Variants in MCTP1 observed in about 807,000 individuals in gnomAD.
The protein encoded by MCTP1 is multiple C2 and transmembrane domain containing 1, also known as multiple C2 and transmembrane domain-containing protein 1.
Under a neutral mutation model 120.6 loss-of-function variants are expected in MCTP1, and 69 were observed. That is an observed-to-expected ratio of 0.57 (90% confidence interval 0.47 to 0.70). The LOEUF (loss-of-function observed/expected upper bound fraction) is 0.70, where lower values mean the gene tolerates loss of function less well. MCTP1 is among the 30% of genes least tolerant of loss of function. The probability of loss-of-function intolerance (pLI) is 0.00; values close to 1 mark genes in which losing one functional copy is unlikely to be tolerated. For missense variants in MCTP1, 1,203 were observed against 1,248.8 expected, an observed-to-expected ratio of 0.96 and a Z score of 0.55; for synonymous variants, 529 against 493.1, an observed-to-expected ratio of 1.07 and a Z score of -0.96.
rs1754529790 is a variant in MCTP1 at position 94,706,170 on chromosome 5, T to TGCAAA, written c.*1321_*1325dup. 6.6e-6 allele frequency: 1 copy of TGCAAA among 151,672 alleles called. No homozygotes were observed. The highest frequency in any genetic ancestry group is 1.9e-4 in the East Asian group (1 of 5,160). 9.4% of individuals were successfully genotyped at this position (151,672 alleles called of 1,614,324 possible). ...TCCAAGTTTATTATTAATAAAGTAG[T>TGCAAA]GCAAAGCATTGTCTGCTGCAATTTC... is the stretch of plus-strand genomic sequence containing the variant. On this transcript the variant is annotated 3_prime_UTR_variant, in exon 23 of 23. Coordinates refer to ENST00000515393, the MANE Select transcript of MCTP1 (RefSeq NM_024717.7).
Position 94,710,921 on chromosome 5 carries a change from G to A in MCTP1, c.2727C>T (p.Phe909=). 6.2e-7 allele frequency: 1 copy of A among 1,607,810 alleles called. No homozygotes were observed. Among genetic ancestry groups the A allele is most frequent in the Non-Finnish European group, 8.5e-7 (1 of 1,175,240 alleles). Residue 909 remains phenylalanine (F), a synonymous_variant, in exon 21 of 23, where the codon TTC becomes TTT. Coordinates refer to ENST00000515393, the MANE Select transcript of MCTP1 (RefSeq NM_024717.7). ...ASFGERIKNT[F]NWTVPFLSWL... ...AGCTTAAGAATGGGACAGTCCAGTT[G>A]AAAGTACTGAATGGAAAATTAACAC...
intron 17 of MCTP1, among the ~76,000 whole-genome samples, chr5:94,808,557 G>C (rs1580795237): frequency 6.6e-6 from 1 of 152,222 alleles, no homozygotes; most frequent in East Asian, 1.9e-4. Context: ...TAATTAGAAT[G>C]AAAATTGCTT....
At chr5:94,830,897 C>A (rs1157281690) in intron 17 of MCTP1, among the ~76,000 whole-genome samples, 4 of 152,072 alleles carry the variant, frequency 2.6e-5, no homozygotes, top group Non-Finnish European at 5.9e-5. Flanking sequence ...ATTCTACCAC[C>A]CAGTAATTGG....
At chr5:95,175,263 C>A (rs948315277) in intron 1 of MCTP1, among the ~76,000 whole-genome samples, 1 of 152,150 alleles carries the variant, frequency 6.6e-6, no homozygotes, top group Non-Finnish European at 1.5e-5. Flanking sequence ...TGAGCTGACA[C>A]GCTTCATTAT....
At chr5:94,802,255 T>G (rs994404534) in intron 17 of MCTP1, among the ~76,000 whole-genome samples, 17 of 152,216 alleles carry the variant, frequency 1.1e-4, no homozygotes, top group Non-Finnish European at 2.1e-4. Flanking sequence ...CATTTATTTT[T>G]CTTTTTCAGC....
chr5:95,241,305 G>A (rs1185741832), intron 1 of MCTP1, among the ~76,000 whole-genome samples: 1 of 152,094 alleles, frequency 6.6e-6, no homozygotes, highest in East Asian at 1.9e-4. Context: ...TCTCAGTATG[G>A]CAGCTGCTTT....
Position 94,868,368 on chromosome 5 carries a change from A to C in MCTP1, c.2401T>G (p.Trp801Gly). Residue 801 changes from tryptophan (W) to glycine (G), a missense_variant, in exon 17 of 23, where the codon TGG becomes GGG. By Grantham distance (184) the Trp-to-Gly change is radical. This residue lies in a region of MCTP1 where 740 missense variants were observed against 871.1 expected (regional missense o/e 0.85). Coordinates refer to ENST00000515393, the MANE Select transcript of MCTP1 (RefSeq NM_024717.7). ...GCGAGACTCCTTGGGGGTGAATCCC[A>C]ATCAAAGCAACTATTAACGTAGTAT... ...AAYYVNSCFD[W>G]DSPPRSLAAF... is the part of the protein sequence containing the mutation. 6.2e-7 allele frequency: 1 copy of C among 1,607,994 alleles called. No individual in the cohort carries two copies. The highest frequency in any genetic ancestry group is 8.5e-7 in the Non-Finnish European group (1 of 1,177,102).
At chr5:94,738,303 C>G (rs760647953) in intron 19 of MCTP1, among the ~76,000 whole-genome samples, 1 of 152,144 alleles carries the variant, frequency 6.6e-6, no homozygotes, top group Non-Finnish European at 1.5e-5. Context: ...TGATTGGATT[C>G]TCCACTGTCT....
chr5:95,140,109 T>C (rs1759783055), intron 1 of MCTP1, among the ~76,000 whole-genome samples: 1 of 152,222 alleles, frequency 6.6e-6, no homozygotes, highest in Non-Finnish European at 1.5e-5. Context: ...AGATTTGGAA[T>C]TGCAGAAAAG....
intron 1 of MCTP1, among the ~76,000 whole-genome samples, chr5:95,138,383 T>C (rs1759620515): frequency 6.6e-6 from 1 of 152,196 alleles, no homozygotes; most frequent in Non-Finnish European, 1.5e-5. Context: ...AACACAGCCT[T>C]GTCAATCTCC....
intron 20 of MCTP1, 92 bp downstream of exon 20, chr5:94,714,685 C>T (rs972924425): frequency 1.3e-6 from 1 of 795,588 alleles, no homozygotes; most frequent in Non-Finnish European, 2.3e-6. Flanking sequence ...GGAGTGTCCC[C>T]TGCCAAAAAG....
intron 17 of MCTP1, among the ~76,000 whole-genome samples, chr5:94,820,751 T>C (rs1785449641): frequency 6.6e-6 from 1 of 152,140 alleles, no homozygotes; most frequent in Non-Finnish European, 1.5e-5. Flanking sequence ...AAAAATCAGT[T>C]GTGAGAAATT....
At chr5:94,773,928 G>GTGGTCCCATGACTAGGTTGTGTT (rs1443126461) in intron 19 of MCTP1, among the ~76,000 whole-genome samples, 1 of 111,302 alleles carries the variant, frequency 9.0e-6, no homozygotes, top group Non-Finnish European at 1.8e-5. Context: ...GATGAAATAG[G>GTGGTCCCATGACTAGGTTGTGTT]CCGGGCGCGG....
intron 1 of MCTP1, among the ~76,000 whole-genome samples, chr5:95,237,020 T>A (rs549165442): frequency 5.3e-5 from 8 of 152,328 alleles, no homozygotes; most frequent in South Asian, 2.1e-4. Flanking sequence ...GTCTAAGCCA[T>A]TTTCATATCA....
At chr5:94,832,653 T>A (rs1459498231) in intron 17 of MCTP1, among the ~76,000 whole-genome samples, 1 of 147,394 alleles carries the variant, frequency 6.8e-6, no homozygotes, top group Non-Finnish European at 1.5e-5. Flanking sequence ...CACACTTCCC[T>A]ACTCCCCTTC....
At chr5:94,744,618 C>T (rs1580432900) in intron 19 of MCTP1, among the ~76,000 whole-genome samples, 1 of 152,186 alleles carries the variant, frequency 6.6e-6, no homozygotes, top group Admixed American at 6.5e-5. Flanking sequence ...ATTCTCACGC[C>T]TCAGCCTTCT....
intron 1 of MCTP1, among the ~76,000 whole-genome samples, chr5:95,104,873 T>C (rs1756980720): frequency 6.6e-6 from 1 of 152,210 alleles, no homozygotes; most frequent in African/African-American, 2.4e-5. Flanking sequence ...TCTCCTCAAC[T>C]GCACATTTAA....
At chr5:95,133,592 T>C (rs1422016869) in intron 1 of MCTP1, among the ~76,000 whole-genome samples, 1 of 152,234 alleles carries the variant, frequency 6.6e-6, no homozygotes, top group African/African-American at 2.4e-5. Flanking sequence ...GAGGTGAAGG[T>C]TGCAGTGAGC....
intron 2 of MCTP1, among the ~76,000 whole-genome samples, chr5:94,954,137 C>T (rs1307891695): frequency 3.5e-5 from 1 of 28,310 alleles, no homozygotes; most frequent in South Asian, 8.2e-4. Context: ...TATATATATG[C>T]ATATATATAC....
Sources: gnomAD v4.1 joint callset for allele counts (sites outside exome capture counted in the v4.1 genomes callset) on GRCh38, gnomAD v4.1.1 for gene constraint, gnomAD v4.1.1 regional missense constraint, MANE v1.5 for transcripts, NCBI Gene and HGNC (gene_info 2026-07-23, HGNC 2026-07-21) for gene names.